The following TSPAN33 variants were observed in gnomAD, a reference collection of about 807,000 sequenced individuals.
The protein encoded by TSPAN33 is tetraspanin 33.
Under a neutral mutation model 34.8 loss-of-function variants are expected in TSPAN33, and 27 were observed. The ratio of observed to expected loss-of-function variants is 0.78; its 90% CI spans 0.57 to 1.07. The LOEUF (loss-of-function observed/expected upper bound fraction) is 1.07. TSPAN33 is among the 50% of genes least tolerant of loss of function. The probability of loss-of-function intolerance (pLI) is 0.00; values close to 1 mark genes in which losing one functional copy is unlikely to be tolerated. For synonymous variants in TSPAN33, 119 were observed against 124.2 expected, an observed-to-expected ratio of 0.96 and a Z score of 0.28; for missense variants, 272 against 324.9, an observed-to-expected ratio of 0.84 and a Z score of 1.25.
chr7:129,164,017 T>C (rs1391058834), intron 4 of TSPAN33, among the ~76,000 whole-genome samples: 1 of 152,060 alleles, frequency 6.6e-6, no homozygotes, highest in Non-Finnish European at 1.5e-5. Flanking sequence ...ATTCCGAATT[T>C]CGTAGTCCTC....
In TSPAN33 at chr7:129,167,687, G is replaced by T; in HGVS notation, c.751-86G>T. The T allele has an allele frequency of 6.4e-7, 1 of 1,570,484 alleles. No individual in the cohort carries two copies. The highest frequency in any genetic ancestry group is 1.1e-5 in the South Asian group (1 of 88,558). On this transcript the variant is annotated intron_variant, in intron 7 of 7. Transcript: ENST00000486685. The surrounding 1 kb of genome is among the most constrained non-coding windows in gnomAD (Gnocchi z 4.6). ...TGGCTGAGGGGTAGGGAAAGGGATA[G>T]TGCTGGCCGCACTGGGAAGATCGAG...
intron 1 of TSPAN33, among the ~76,000 whole-genome samples, chr7:129,149,249 A>T (rs1173493002): frequency 6.6e-6 from 1 of 152,214 alleles, no homozygotes; most frequent in Non-Finnish European, 1.5e-5. Context: ...CATAAACGTC[A>T]AGCAGCCTTT....
Position 129,144,887 on chromosome 7 carries a change from C to A in TSPAN33, c.-94C>A. 1 of 187,686 alleles carries A rather than the reference C, an allele frequency of 5.3e-6. No individual in the cohort carries two copies. The allele number at this position is 187,686 out of a possible 1,614,324, so 11.6% of individuals were successfully genotyped here. A position where few individuals can be genotyped will look rare whatever the true frequency, so the allele number is the denominator to read the frequency against. On this transcript the variant is annotated 5_prime_UTR_variant, in exon 1 of 8. Coordinates refer to ENST00000486685, the MANE Select transcript of TSPAN33 (RefSeq NM_178562.5). ...CCCCGCCGGCCGGGCTCCTGCGCGG[C>A]GCGGCTCGGCTCATGCCCCCGGGCG...
In TSPAN33 at chr7:129,168,037, G is replaced by A; in HGVS notation, c.*163G>A. The A allele has an allele frequency of 7.0e-7, 1 of 1,420,610 alleles. No homozygotes were observed. The highest frequency in any genetic ancestry group is 1.4e-5 in the African/African-American group (1 of 69,820). The allele number at this position is 1,420,610 out of a possible 1,614,324, so 88.0% of individuals were successfully genotyped here. On this transcript the variant is annotated 3_prime_UTR_variant, in exon 8 of 8. Transcript: ENST00000486685. ...GATGGGCAGAAGGCAGGGTGCACAG[G>A]TGGCTCCAGTCTCAGGAGGATGCGC...
chr7:129,152,451 C>G (rs1264344344), intron 1 of TSPAN33, among the ~76,000 whole-genome samples: 2 of 152,144 alleles, frequency 1.3e-5, no homozygotes, highest in African/African-American at 4.8e-5. Context: ...CTTTTGGAGG[C>G]TGAGGCGGGC....
chr7:129,160,075 C>T (rs912909278), intron 1 of TSPAN33, among the ~76,000 whole-genome samples: 4 of 152,200 alleles, frequency 2.6e-5, no homozygotes, highest in Non-Finnish European at 5.9e-5. Flanking sequence ...GCTGTATATA[C>T]AGGCAGAGAA....
At chr7:129,155,471 AC>A (rs1162527145) in intron 1 of TSPAN33, among the ~76,000 whole-genome samples, 1 of 152,208 alleles carries the variant, frequency 6.6e-6, no homozygotes, top group African/African-American at 2.4e-5. Context: ...AACATTGTAC[AC>A]ATGTATCAAA....
chr7:129,158,364 A>G (rs529188358), intron 1 of TSPAN33, among the ~76,000 whole-genome samples: 22 of 152,294 alleles, frequency 1.4e-4, no homozygotes, highest in African/African-American at 5.1e-4. Context: ...AGGCCCATAA[A>G]TACAGTTAAC....
chr7:129,149,713 C>T (rs776992726), intron 1 of TSPAN33, among the ~76,000 whole-genome samples: 14 of 152,312 alleles, frequency 9.2e-5, no homozygotes, highest in East Asian at 1.9e-4. Flanking sequence ...CAAAGCCAGC[C>T]GTGGCCTGAG....
chr7:129,151,003 A>G (rs1810586012), intron 1 of TSPAN33, among the ~76,000 whole-genome samples: 1 of 152,190 alleles, frequency 6.6e-6, no homozygotes, highest in Admixed American at 6.5e-5. Context: ...TAGTTTATGG[A>G]GATACTTCCT....
chr7:129,167,034 G>A lies in TSPAN33; in HGVS notation c.588+128G>A. On this transcript the variant is annotated intron_variant, in intron 6 of 7. Coordinates refer to ENST00000486685, the MANE Select transcript of TSPAN33 (RefSeq NM_178562.5). This position sits in a 1 kb window ranked among gnomAD's most constrained non-coding sequence, Gnocchi z 4.6. ...CAGTCATGTGGGACAGCTGTCAGGT[G>A]TTTTTCTTCACCCCAACCTGATGCT... is the stretch of plus-strand genomic sequence containing the variant. 2 of 1,160,394 alleles carry A rather than the reference G, an allele frequency of 1.7e-6. No individual in the cohort carries two copies. The highest frequency in any genetic ancestry group is 2.4e-6 in the Non-Finnish European group (2 of 818,358). The allele number at this position is 1,160,394 out of a possible 1,614,324, so 71.9% of individuals were successfully genotyped here.
chr7:129,145,115 G>T (rs762596745), intron 1 of TSPAN33, 33 bp downstream of exon 1: 11 of 664,222 alleles, frequency 1.7e-5, no homozygotes, highest in Middle Eastern at 5.2e-4. Context: ...CCTGGGCGGC[G>T]GGGTCCCCCC....
At position 129,167,988 on chromosome 7, in the gene TSPAN33, C is replaced by T. The variant is rs1793170503; in HGVS notation, c.*114C>T. ...TTGGATTCCAGCCCCCCAGTGACAG[C>T]CCAGTGGGAAGAAGCAAACTCCAGA... is the stretch of plus-strand genomic sequence containing the variant. On this transcript the variant is annotated 3_prime_UTR_variant, in exon 8 of 8. Transcript: ENST00000486685. The surrounding 1 kb of genome is among the most constrained non-coding windows in gnomAD (Gnocchi z 4.6). 1.3e-6 allele frequency: 2 copies of T among 1,485,602 alleles called. No homozygotes were observed. The highest frequency in any genetic ancestry group is 1.8e-6 in the Non-Finnish European group (2 of 1,120,610). 92.0% of individuals were successfully genotyped at this position (1,485,602 alleles called of 1,614,324 possible). A position where few individuals can be genotyped will look rare whatever the true frequency, so the allele number is the denominator to read the frequency against.
chr7:129,161,869 T>C (rs1793060108), intron 2 of TSPAN33, 133 bp downstream of exon 2: 1 of 1,081,038 alleles, frequency 9.3e-7, no homozygotes, highest in South Asian at 1.4e-5. Flanking sequence ...ATCTTCATGG[T>C]CTACGTAGGT....
chr7:129,151,025 G>A (rs1274056537), intron 1 of TSPAN33, among the ~76,000 whole-genome samples: 1 of 152,184 alleles, frequency 6.6e-6, no homozygotes, highest in African/African-American at 2.4e-5. Flanking sequence ...TATATCCCAT[G>A]AACAGAGCTC....
rs1054250906 is a variant in TSPAN33, at chr7:129,165,997, C to T, written c.460-781C>T. Among the ~76,000 whole-genome samples, 2 of 151,086 alleles carry T rather than the reference C, an allele frequency of 1.3e-5. No individual in the cohort carries two copies. Among genetic ancestry groups the T allele is most frequent in the East Asian group, 2.0e-4 (1 of 5,008 alleles). ...TGTTACCCAGGCTGGAGTACAATGG[C>T]GTGATCTTGGCCCACTGCAACATCC... On this transcript the variant is annotated intron_variant, in intron 5 of 7. Coordinates refer to ENST00000486685, the MANE Select transcript of TSPAN33 (RefSeq NM_178562.5). This position sits in a 1 kb window ranked among gnomAD's most constrained non-coding sequence, Gnocchi z 4.5.
intron 3 of TSPAN33, 126 bp from the exon 4 acceptor site, chr7:129,162,707 C>T: frequency 7.1e-7 from 1 of 1,400,984 alleles, no homozygotes; most frequent in South Asian, 1.3e-5. Flanking sequence ...GTCCCAGAGG[C>T]AGCTGCCTTT....
rs924499969 is a variant in TSPAN33 at position 129,168,577 on chromosome 7, AG to A, written c.*704del. On this transcript the variant is annotated 3_prime_UTR_variant, in exon 8 of 8. Transcript: ENST00000486685. The stretch of plus-strand genomic sequence containing the variant: ...CCCCACCTCCCTTACTTCGAAAAAA[AG>A]TTTGGAACCCTGGTCCCTATACTCT... The A allele has an allele frequency of 6.5e-6, 1 of 152,874 alleles. No homozygotes were observed. The highest frequency in any genetic ancestry group is 2.4e-5 in the African/African-American group (1 of 41,434). The allele number at this position is 152,874 out of a possible 1,614,324, so 9.5% of individuals were successfully genotyped here.
At chr7:129,150,767 C>T (rs555019944) in intron 1 of TSPAN33, among the ~76,000 whole-genome samples, 19 of 152,198 alleles carry the variant, frequency 1.2e-4, no homozygotes, top group African/African-American at 4.6e-4. Flanking sequence ...CTAGAGGTCA[C>T]CTGCTGGGGG....
Sources: gnomAD v4.1 joint callset for allele counts (sites outside exome capture counted in the v4.1 genomes callset) on GRCh38, gnomAD v4.1.1 for gene constraint, Gnocchi (gnomAD v3.1) non-coding constraint, MANE v1.5 for transcripts, NCBI Gene and HGNC (gene_info 2026-07-23, HGNC 2026-07-21) for gene names.